ETV6: variants seen among roughly 807,000 people sequenced by gnomAD.
The protein encoded by ETV6 is transcription factor ETV6.
A neutral mutation model predicts 51.1 loss-of-function variants in ETV6; 16 were observed. That is an observed-to-expected ratio of 0.31 (90% CI 0.21 to 0.48). The LOEUF (loss-of-function observed/expected upper bound fraction) is 0.48. Ranked by LOEUF, ETV6 falls within the 20% of genes least tolerant of loss-of-function variation. The pLI, the probability that ETV6 is intolerant of heterozygous loss-of-function variation, is 0.99. For synonymous variants in ETV6, 240 were observed against 224.1 expected, an observed-to-expected ratio of 1.07 and a Z score of -0.64; for missense variants, 458 against 594.8, an observed-to-expected ratio of 0.77 and a Z score of 2.39.
chr12:11,667,558 G>A (rs1433234953), intron 1 of ETV6, among the ~76,000 whole-genome samples: 1 of 148,652 alleles, frequency 6.7e-6, no homozygotes, highest in Non-Finnish European at 1.5e-5. Flanking sequence ...TTTTAAATGG[G>A]GACTTGCCTT....
intron 2 of ETV6, among the ~76,000 whole-genome samples, chr12:11,796,940 C>T (rs1945687441): frequency 6.6e-6 from 1 of 152,124 alleles, no homozygotes; most frequent in Non-Finnish European, 1.5e-5. Context: ...GCATGCCGCA[C>T]CATGCTCAGC....
chr12:11,723,170 TGTGA>T (rs1363018846), intron 1 of ETV6, among the ~76,000 whole-genome samples: 1 of 152,228 alleles, frequency 6.6e-6, no homozygotes, highest in Admixed American at 6.5e-5. Context: ...CTCATAGGAT[TGTGA>T]GTATTAAATG....
At chr12:11,707,804 G>C (rs1216855017) in intron 1 of ETV6, among the ~76,000 whole-genome samples, 1 of 152,152 alleles carries the variant, frequency 6.6e-6, no homozygotes, top group Non-Finnish European at 1.5e-5. Flanking sequence ...CCCTGGCTCT[G>C]GTTCTTCTCC....
chr12:11,799,559 G>A (rs1335599372), intron 2 of ETV6, among the ~76,000 whole-genome samples: 1 of 152,072 alleles, frequency 6.6e-6, no homozygotes, highest in Non-Finnish European at 1.5e-5. Context: ...AAAGCATTAG[G>A]GAAACGTTAT....
intron 1 of ETV6, among the ~76,000 whole-genome samples, chr12:11,733,980 G>A (rs754065404): frequency 6.6e-6 from 1 of 152,190 alleles, no homozygotes; most frequent in Non-Finnish European, 1.5e-5. Flanking sequence ...GGATAGTGGT[G>A]TAACGGAAAT....
At chr12:11,719,735 C>T (rs528284813) in intron 1 of ETV6, among the ~76,000 whole-genome samples, 6 of 152,200 alleles carry the variant, frequency 3.9e-5, no homozygotes, top group East Asian at 3.9e-4. Flanking sequence ...AAATCCAGCA[C>T]GGGGGTGGGT....
intron 3 of ETV6, among the ~76,000 whole-genome samples, chr12:11,844,191 AT>A (rs1290512783): frequency 3.9e-5 from 6 of 152,148 alleles, no homozygotes; most frequent in Non-Finnish European, 8.8e-5. Flanking sequence ...GGTGGAATGG[AT>A]TTAGGTACCC....
At chr12:11,861,989 G>A (rs1208339556) in intron 4 of ETV6, among the ~76,000 whole-genome samples, 1 of 152,192 alleles carries the variant, frequency 6.6e-6, no homozygotes, top group Non-Finnish European at 1.5e-5. Context: ...CCCCGACTGT[G>A]AGGACTGTGA....
intron 1 of ETV6, among the ~76,000 whole-genome samples, chr12:11,663,769 GTGTA>G (rs754241163): frequency 9.2e-5 from 14 of 151,362 alleles, no homozygotes; most frequent in Non-Finnish European, 1.9e-4. Flanking sequence ...GTGTGTGTGT[GTGTA>G]TGTGTGTGTG....
chr12:11,737,360 T>TTCTCAACAC, intron 1 of ETV6, among the ~76,000 whole-genome samples: 1 of 152,294 alleles, frequency 6.6e-6, no homozygotes, highest in African/African-American at 2.4e-5. Flanking sequence ...TTCTAAGAGG[T>TTCTCAACAC]GTTCTCAACA....
intron 2 of ETV6, among the ~76,000 whole-genome samples, chr12:11,836,016 A>G (rs1946310375): frequency 6.6e-6 from 1 of 152,220 alleles, no homozygotes; most frequent in Admixed American, 6.5e-5. Context: ...CTATTCATAT[A>G]AAGTGCTTAG....
chr12:11,871,483 C>T (rs924554752), intron 5 of ETV6, among the ~76,000 whole-genome samples: 1 of 152,024 alleles, frequency 6.6e-6, no homozygotes, highest in African/African-American at 2.4e-5. Flanking sequence ...AGCCACCGCG[C>T]CTGGCCGGTA....
intron 5 of ETV6, among the ~76,000 whole-genome samples, chr12:11,871,294 T>C (rs1946878117): frequency 6.7e-6 from 1 of 149,930 alleles, no homozygotes; most frequent in Non-Finnish European, 1.5e-5. Context: ...GTTCACGTCA[T>C]TCTCCTGCCT....
intron 1 of ETV6, among the ~76,000 whole-genome samples, chr12:11,673,382 C>G (rs1396170900): frequency 6.6e-6 from 1 of 152,104 alleles, no homozygotes; most frequent in Non-Finnish European, 1.5e-5. Context: ...TACTACAAAT[C>G]AGAATAAAAT....
chr12:11,756,339 G>C (rs573479079), intron 2 of ETV6, among the ~76,000 whole-genome samples: 1 of 152,236 alleles, frequency 6.6e-6, no homozygotes, highest in African/African-American at 2.4e-5. Flanking sequence ...TACCGGGAGA[G>C]CAAACACAAG....
chr12:11,738,802 A>C (rs2121009699), intron 1 of ETV6, among the ~76,000 whole-genome samples: 1 of 152,344 alleles, frequency 6.6e-6, no homozygotes, highest in African/African-American at 2.4e-5. Flanking sequence ...GATTCTTTGG[A>C]GAAGTTTAAA....
At chr12:11,765,399 C>G (rs1464647197) in intron 2 of ETV6, among the ~76,000 whole-genome samples, 1 of 152,130 alleles carries the variant, frequency 6.6e-6, no homozygotes, top group Non-Finnish European at 1.5e-5. Context: ...TACGCAGTCT[C>G]AGGTTCAATA....
At chr12:11,754,761 A>G (rs998583864) in intron 2 of ETV6, among the ~76,000 whole-genome samples, 1 of 152,240 alleles carries the variant, frequency 6.6e-6, no homozygotes, top group African/African-American at 2.4e-5. Flanking sequence ...TGTGCTGCTT[A>G]CCAGCATTTT....
At position 11,894,854 on chromosome 12, in the gene ETV6, C is replaced by T. The variant is rs1591758830; in HGVS notation, c.*3808C>T. On this transcript the variant is annotated 3_prime_UTR_variant, in exon 8 of 8. Transcript: ENST00000396373. ...CTCACCCTGTGTGGCTCATTCCCAC[C>T]CAGGAAACTGAAGATAAAAGATTTG... 1 of 233,450 alleles carries T rather than the reference C, an allele frequency of 4.3e-6. No homozygotes were observed. The highest frequency in any genetic ancestry group is 5.6e-5 in the Admixed American group (1 of 17,776). The allele number at this position is 233,450 out of a possible 1,614,324, so 14.5% of individuals were successfully genotyped here. A position where few individuals can be genotyped will look rare whatever the true frequency, so the allele number is the denominator to read the frequency against.
Sources: allele counts gnomAD v4.1 joint callset (sites outside exome capture counted in the v4.1 genomes callset), GRCh38; gene constraint gnomAD v4.1.1; transcripts MANE v1.5; gene names NCBI Gene and HGNC (gene_info 2026-07-23, HGNC 2026-07-21).